Variants in NCALD observed in about 807,000 individuals in gnomAD.
The protein encoded by NCALD is neurocalcin delta.
Under a neutral mutation model 18.6 loss-of-function variants are expected in NCALD, and 10 were observed. The ratio of observed to expected loss-of-function variants is 0.54; its 90% CI spans 0.33 to 0.91. The LOEUF is 0.91. Among genes scored for constraint, NCALD ranks in the 40% least tolerant of loss-of-function variants. NCALD has a pLI of 0.03. For synonymous variants in NCALD, 88 were observed against 87.4 expected (o/e 1.01, Z -0.04); for missense variants, 184 against 247.6 (o/e 0.74, Z 1.72).
chr8:101,982,581 C>T (rs1339945355), intron 2 of NCALD, among the ~76,000 whole-genome samples: 1 of 152,158 alleles, frequency 6.6e-6, no homozygotes, highest in Non-Finnish European at 1.5e-5. Flanking sequence ...TGGCTCATGC[C>T]TGTAATCCCA....
intron 2 of NCALD, among the ~76,000 whole-genome samples, chr8:101,980,689 G>T (rs2131938100): frequency 6.6e-6 from 1 of 152,278 alleles, no homozygotes; most frequent in East Asian, 1.9e-4. Context: ...GAAGCTCAAG[G>T]GGGCAGGGAT....
rs71268530 is a variant in NCALD at position 101,801,643 on chromosome 8, CTTTTTTTTTTTTTT to C, written c.-19-82009_-19-81996del. Among the ~76,000 whole-genome samples the C allele has an allele frequency of 7.9e-4, 35 of 44,162 alleles. 1 individual carries two copies. The highest frequency in any genetic ancestry group is 1.0e-3 in the Admixed American group (3 of 2,888). The allele number at this position is 44,162 out of a possible 152,430, so 29.0% of individuals were successfully genotyped here. ...TCTCTATGATTTACAAGCACACTTACTTTTTTTTTTTTTTTTTTTTTTTTTTTTTTTTTTTTTTT... is the reference window on the plus strand; with the variant it reads ...TCTCTATGATTTACAAGCACACTTACTTTTTTTTTTTTTTTTTTTTTTTTT... On this transcript the variant is annotated intron_variant, in intron 4 of 6. Coordinates refer to the NCALD transcript ENST00000311028.
At chr8:102,078,351 C>T (rs1309545316) in intron 1 of NCALD, among the ~76,000 whole-genome samples, 4 of 152,120 alleles carry the variant, frequency 2.6e-5, no homozygotes, top group Non-Finnish European at 5.9e-5. Flanking sequence ...CTACTCTTGC[C>T]CCTCTACATT....
intron 1 of NCALD, among the ~76,000 whole-genome samples, chr8:102,041,303 T>C (rs1303376405): frequency 1.3e-5 from 2 of 152,150 alleles, no homozygotes; most frequent in Non-Finnish European, 2.9e-5. Flanking sequence ...GAAAGGAAAG[T>C]TACAACTAAA....
chr8:101,967,497 C>A (rs1262310525), intron 2 of NCALD, among the ~76,000 whole-genome samples: 1 of 152,128 alleles, frequency 6.6e-6, no homozygotes, highest in Admixed American at 6.5e-5. Flanking sequence ...TCCAAGTAGT[C>A]AGATGTGGCT....
chr8:101,754,652 G>A (rs2130794327), intron 1 of NCALD, among the ~76,000 whole-genome samples: 1 of 152,222 alleles, frequency 6.6e-6, no homozygotes, highest in South Asian at 2.1e-4. Flanking sequence ...CAACATATGA[G>A]TTTGGGGGAT....
rs188308604 is a variant in NCALD, at chr8:101,944,119, A to T, written c.-156-28261T>A. The stretch of plus-strand genomic sequence containing the variant: ...GGTCACCACTGGAGTGGAAGTGAGG[A>T]TGACCATGTACCAGACAAGCCATGC... On this transcript the variant is annotated intron_variant, in intron 2 of 6. Coordinates refer to the NCALD transcript ENST00000311028. Among the ~76,000 whole-genome samples the T allele has an allele frequency of 1.7e-3, 256 of 152,246 alleles. 1 individual carries two copies. The highest frequency in any genetic ancestry group is 4.5e-3 in the African/African-American group (189 of 41,548).
intron 2 of NCALD, among the ~76,000 whole-genome samples, chr8:101,976,423 T>C (rs1866691): frequency 0.4 from 60,408 of 151,904 alleles, 12,214 homozygotes; most frequent in South Asian, 0.45. Context: ...TAGCAAAACT[T>C]CCCTCCCCTT....
rs1554644288 is a variant in NCALD at position 101,843,579 on chromosome 8, A to ATTTTTTTTT, written c.-20+43561_-20+43562insAAAAAAAAA. 1.4e-4 allele frequency among the ~76,000 whole-genome samples: 14 copies of ATTTTTTTTT among 101,266 alleles called. No individual in the cohort carries two copies. In the South Asian group the frequency reaches 1.6e-3, roughly 11 times the overall value. The allele number at this position is 101,266 out of a possible 152,430, so 66.4% of individuals were successfully genotyped here. ...TGATCTGTTCTATGAATCTTTAAAA[A>ATTTTTTTTT]TTGTTTTTTTTTTTTTTGAGACAGT... On this transcript the variant is annotated intron_variant, in intron 4 of 6. Coordinates refer to the NCALD transcript ENST00000311028.
chr8:101,872,046 A>G (rs1394995643), intron 4 of NCALD: 8 of 1,340,752 alleles, frequency 6.0e-6, no homozygotes, highest in Non-Finnish European at 8.5e-6. Flanking sequence ...CTTCCAAGTA[A>G]ACAAATACCA....
chr8:101,772,664 C>A (rs1025419842), intron 1 of NCALD, among the ~76,000 whole-genome samples: 1 of 152,168 alleles, frequency 6.6e-6, no homozygotes, highest in Non-Finnish European at 1.5e-5. Flanking sequence ...GGTCACAATG[C>A]CATTTGGCCT....
intron 2 of NCALD, among the ~76,000 whole-genome samples, chr8:101,947,367 A>G (rs1586805967): frequency 6.6e-6 from 1 of 152,226 alleles, no homozygotes; most frequent in Non-Finnish European, 1.5e-5. Context: ...GTCCTCCATC[A>G]TGACAATGTT....
chr8:101,692,380 A>ATC, intron 3 of NCALD: 2 of 985,386 alleles, frequency 2.0e-6, no homozygotes, highest in African/African-American at 1.7e-5. Context: ...GGCTGGAGTG[A>ATC]AAGCTGTCGG....
chr8:102,065,271 T>C (rs1297102117), intron 1 of NCALD, among the ~76,000 whole-genome samples: 2 of 150,384 alleles, frequency 1.3e-5, no homozygotes, highest in Non-Finnish European at 3.0e-5. Flanking sequence ...TTTTTTCATA[T>C]CTGCCCATAT....
At chr8:101,834,264 C>T (rs964462900) in intron 4 of NCALD, among the ~76,000 whole-genome samples, 3 of 152,240 alleles carry the variant, frequency 2.0e-5, no homozygotes, top group South Asian at 2.1e-4. Context: ...ACCACCATAA[C>T]GTGTGAAGAG....
chr8:101,828,000 G>A (rs759184906), intron 4 of NCALD, among the ~76,000 whole-genome samples: 6 of 152,248 alleles, frequency 3.9e-5, no homozygotes, highest in Middle Eastern at 3.4e-3. Context: ...TGTAGGTGGA[G>A]GATATAAAAA....
chr8:102,027,174 T>C (rs1822488597), intron 1 of NCALD, among the ~76,000 whole-genome samples: 1 of 152,246 alleles, frequency 6.6e-6, no homozygotes, highest in South Asian at 2.1e-4. Context: ...GTCTTGGTGA[T>C]TAACATTCAG....
At chr8:102,062,968 GA>G (rs889920159) in intron 1 of NCALD, among the ~76,000 whole-genome samples, 3 of 150,570 alleles carry the variant, frequency 2.0e-5, no homozygotes, top group African/African-American at 4.9e-5. Flanking sequence ...TCCTTTTAAA[GA>G]AAAAAAAATC....
intron 3 of NCALD, among the ~76,000 whole-genome samples, chr8:101,894,658 C>G (rs1434730948): frequency 6.7e-6 from 1 of 149,962 alleles, no homozygotes. Context: ...CAAATAGACA[C>G]AATAAAAAAT....
Sources: gnomAD v4.1 joint callset for allele counts (sites outside exome capture counted in the v4.1 genomes callset) on GRCh38, gnomAD v4.1.1 for gene constraint, MANE v1.5 for transcripts, NCBI Gene and HGNC (gene_info 2026-07-23, HGNC 2026-07-21) for gene names.